Variants in ERBB4 observed in about 807,000 individuals in gnomAD.
ERBB4 encodes the protein erb-b2 receptor tyrosine kinase 4.
A neutral mutation model predicts 158.0 loss-of-function variants in ERBB4; 42 were observed. The observed-to-expected ratio is 0.27, with a 90% CI of 0.21 to 0.34. The LOEUF is 0.34. Among genes scored for constraint, ERBB4 ranks in the 10% least tolerant of loss-of-function variants. The pLI is 1.00. For synonymous variants in ERBB4, 583 were observed against 558.7 expected (o/e 1.04, Z -0.61); for missense variants, 1,333 against 1,624.1 (o/e 0.82, Z 3.08).
intron 20 of ERBB4, among the ~76,000 whole-genome samples, chr2:211,493,587 A>C (rs1280019537): frequency 6.6e-6 from 1 of 152,010 alleles, no homozygotes; most frequent in Admixed American, 6.6e-5. Context: ...ACAAAAAAAA[A>C]CACCTTTGCA....
chr2:211,532,155 G>GA (rs1489438698), intron 20 of ERBB4, among the ~76,000 whole-genome samples: 2 of 151,454 alleles, frequency 1.3e-5, no homozygotes, highest in African/African-American at 4.9e-5. Context: ...GGGTTGTGGG[G>GA]GGGGAAAGTA....
intron 1 of ERBB4, among the ~76,000 whole-genome samples, chr2:212,507,560 C>T (rs969982239): frequency 3.9e-5 from 6 of 151,906 alleles, no homozygotes; most frequent in African/African-American, 4.8e-5. Flanking sequence ...TATAGGAGTT[C>T]GGAAGAAGTT....
intron 2 of ERBB4, among the ~76,000 whole-genome samples, chr2:212,057,000 C>G (rs1233395571): frequency 6.6e-6 from 1 of 152,120 alleles, no homozygotes; most frequent in African/African-American, 2.4e-5. Context: ...GATAAAGAGT[C>G]AAGACTCATC....
chr2:212,159,417 T>A (rs1471056639), intron 1 of ERBB4, among the ~76,000 whole-genome samples: 1 of 151,974 alleles, frequency 6.6e-6, no homozygotes, highest in Non-Finnish European at 1.5e-5. Context: ...TACTGTGGAT[T>A]TACTTCTTAA....
At chr2:211,441,823 A>G (rs1057123203) in intron 20 of ERBB4, among the ~76,000 whole-genome samples, 4 of 152,108 alleles carry the variant, frequency 2.6e-5, no homozygotes, top group Non-Finnish European at 4.4e-5. Flanking sequence ...ATCACTAGCT[A>G]TTCTTGAGTC....
intron 1 of ERBB4, among the ~76,000 whole-genome samples, chr2:212,236,731 T>A (rs936538435): frequency 6.6e-6 from 1 of 152,228 alleles, no homozygotes; most frequent in Admixed American, 6.5e-5. Context: ...TCATTTCTTC[T>A]AGATTTTCTA....
chr2:212,426,481 T>C (rs894333044), intron 1 of ERBB4: 4 of 366,432 alleles, frequency 1.1e-5, no homozygotes, highest in Admixed American at 8.0e-5. Context: ...TTTTATTAAA[T>C]AGTTTTCAGA....
intron 1 of ERBB4, among the ~76,000 whole-genome samples, chr2:212,504,459 A>G (rs1454422961): frequency 6.6e-6 from 1 of 152,076 alleles, no homozygotes; most frequent in Non-Finnish European, 1.5e-5. Context: ...CCATTAAAAA[A>G]TAATACAAAA....
At chr2:211,418,154 A>AGAT (rs1374516392) in intron 25 of ERBB4, among the ~76,000 whole-genome samples, 1 of 152,070 alleles carries the variant, frequency 6.6e-6, no homozygotes, top group Non-Finnish European at 1.5e-5. Context: ...TTCACTTTTA[A>AGAT]GATGTTCCCT....
At chr2:212,443,413 C>T (rs1472194174) in intron 1 of ERBB4, among the ~76,000 whole-genome samples, 1 of 152,134 alleles carries the variant, frequency 6.6e-6, no homozygotes, top group Non-Finnish European at 1.5e-5. Context: ...GTAAAATTTC[C>T]AGGAGCCCAG....
chr2:212,512,362 A>AC (rs556468633), intron 1 of ERBB4, among the ~76,000 whole-genome samples: 294 of 104,874 alleles, frequency 2.8e-3, no homozygotes, highest in Non-Finnish European at 5.9e-3. Flanking sequence ...ATATATACAC[A>AC]AAAAAAAACA....
chr2:212,399,318 G>T lies in ERBB4; in HGVS notation c.82+139131C>A, dbSNP rs2091123100. ...TCCTACCTATAGAAAGAAATGATAT[G>T]AGGCAAATATTTTCAGACATATCTT... On this transcript the variant is annotated intron_variant, in intron 1 of 27. Coordinates refer to ENST00000342788, the MANE Select transcript of ERBB4 (RefSeq NM_005235.3). Among the ~76,000 whole-genome samples the T allele has an allele frequency of 2.0e-5, 3 of 151,796 alleles. No homozygotes were observed. The South Asian group carries it at 6.2e-4, about 31-fold the overall frequency.
chr2:212,425,889 T>C (rs1237474281), intron 1 of ERBB4, among the ~76,000 whole-genome samples: 1 of 152,008 alleles, frequency 6.6e-6, no homozygotes, highest in Non-Finnish European at 1.5e-5. Flanking sequence ...ATCCACCTAA[T>C]GCCTTAAAAA....
At chr2:211,673,861 CACA>C (rs72305448) in intron 13 of ERBB4, among the ~76,000 whole-genome samples, 55,607 of 151,572 alleles carry the variant, frequency 0.37, 11,024 homozygotes, top group Middle Eastern at 0.5. Flanking sequence ...GATCTAATAT[CACA>C]ACATCTTTTT....
intron 4 of ERBB4, among the ~76,000 whole-genome samples, chr2:211,761,331 G>A (rs575455203): frequency 1.3e-5 from 2 of 152,100 alleles, no homozygotes; most frequent in African/African-American, 2.4e-5. Context: ...TGATGGTGAT[G>A]TTTTAGAGCT....
rs765703953 is a variant in ERBB4 at position 211,624,076 on chromosome 2, C to T, written c.2080-32G>A. On this transcript the variant is annotated intron_variant, in intron 17 of 27. Coordinates refer to ENST00000342788, the MANE Select transcript of ERBB4 (RefSeq NM_005235.3). ...AGCGGAAAGAAGAAGGTTATACTTT[C>T]AGTCCGATAGTCAGTCCTCTCTCTC... The T allele has an allele frequency of 5.0e-6, 8 of 1,613,506 alleles. No homozygotes were observed. In the East Asian group the frequency reaches 1.3e-4, roughly 27 times the overall value.
intron 4 of ERBB4, among the ~76,000 whole-genome samples, chr2:211,763,151 G>T (rs568450909): frequency 4.6e-5 from 7 of 152,218 alleles, no homozygotes; most frequent in African/African-American, 1.7e-4. Flanking sequence ...ACAAAAGATA[G>T]ACTATGAATA....
At chr2:212,114,760 G>C (rs1395448762) in intron 2 of ERBB4, among the ~76,000 whole-genome samples, 2 of 152,086 alleles carry the variant, frequency 1.3e-5, no homozygotes, top group Non-Finnish European at 2.9e-5. Flanking sequence ...AAACAACCAA[G>C]TGTTTGACTT....
At chr2:212,081,410 A>G (rs189307255) in intron 2 of ERBB4, among the ~76,000 whole-genome samples, 1 of 152,236 alleles carries the variant, frequency 6.6e-6, no homozygotes, top group Admixed American at 6.6e-5. Flanking sequence ...GAAACAAGTA[A>G]AACTGAAATT....
Sources: gnomAD v4.1 joint callset for allele counts (sites outside exome capture counted in the v4.1 genomes callset) on GRCh38, gnomAD v4.1.1 for gene constraint, MANE v1.5 for transcripts, NCBI Gene and HGNC (gene_info 2026-07-23, HGNC 2026-07-21) for gene names.